Variants in SLIT3 observed in about 807,000 individuals in gnomAD.
The protein encoded by SLIT3 is slit guidance ligand 3.
Under a neutral mutation model 184.0 loss-of-function variants are expected in SLIT3, and 68 were observed. That is an observed-to-expected ratio of 0.37 (90% CI 0.30 to 0.45). The LOEUF (loss-of-function observed/expected upper bound fraction) is 0.45, where lower values mean the gene tolerates loss of function less well. Among genes scored for constraint, SLIT3 ranks in the 20% least tolerant of loss-of-function variants. The probability of loss-of-function intolerance (pLI) is 1.00; values close to 1 mark genes in which losing one functional copy is unlikely to be tolerated. For missense variants in SLIT3, 1,707 were observed against 2,026.0 expected (o/e 0.84, Z 3.02); for synonymous variants, 831 against 828.6 (o/e 1.00, Z -0.05).
intron 9 of SLIT3, among the ~76,000 whole-genome samples, chr5:168,798,008 A>G (rs1183469347): frequency 6.6e-6 from 1 of 152,088 alleles, no homozygotes; most frequent in Non-Finnish European, 1.5e-5. Flanking sequence ...CTGTGGAAGT[A>G]GGTATTCAGG....
intron 16 of SLIT3, among the ~76,000 whole-genome samples, chr5:168,757,970 G>A (rs1330218462): frequency 2.6e-5 from 4 of 152,232 alleles, no homozygotes; most frequent in Admixed American, 6.5e-5. Context: ...TAACTGGGAA[G>A]GGCAGAGCTG....
At chr5:168,681,852 G>C (rs774777841) in intron 32 of SLIT3, among the ~76,000 whole-genome samples, 2 of 152,166 alleles carry the variant, frequency 1.3e-5, no homozygotes, top group Non-Finnish European at 2.9e-5. Context: ...ACATGTCTGC[G>C]TAAAGGCTTA....
At chr5:168,717,863 T>C (rs1239448903) in intron 23 of SLIT3, among the ~76,000 whole-genome samples, 2 of 152,074 alleles carry the variant, frequency 1.3e-5, no homozygotes, top group African/African-American at 4.8e-5. Context: ...GGTTTCACCA[T>C]ATTAGCCAGG....
intron 1 of SLIT3, among the ~76,000 whole-genome samples, chr5:169,277,429 G>GC (rs1462791007): frequency 1.3e-5 from 2 of 152,010 alleles, no homozygotes; most frequent in African/African-American, 2.4e-5. Context: ...GGGGTTTCAG[G>GC]CAGGTCCCAT....
intron 4 of SLIT3, among the ~76,000 whole-genome samples, chr5:169,124,421 G>A (rs1047903056): frequency 2.0e-5 from 3 of 152,146 alleles, no homozygotes; most frequent in Admixed American, 6.5e-5. Flanking sequence ...GGGGAAAATT[G>A]GAAAAGAGCT....
At chr5:168,746,684 T>TGG in intron 20 of SLIT3, among the ~76,000 whole-genome samples, 1 of 71,786 alleles carries the variant, frequency 1.4e-5, no homozygotes, top group Non-Finnish European at 2.6e-5. Flanking sequence ...TATGGTGGTG[T>TGG]GTGGTGGTGT....
chr5:169,040,472 A>G (rs772341132), intron 4 of SLIT3, among the ~76,000 whole-genome samples: 9 of 152,218 alleles, frequency 5.9e-5, no homozygotes, highest in Non-Finnish European at 8.8e-5. Flanking sequence ...ATATTTAGAG[A>G]TTAAGGATAT....
At chr5:168,796,045 T>C (rs573579078) in intron 9 of SLIT3, among the ~76,000 whole-genome samples, 11 of 152,160 alleles carry the variant, frequency 7.2e-5, no homozygotes, top group Non-Finnish European at 1.6e-4. Flanking sequence ...GAAATGTCAA[T>C]GGTTGACTTC....
intron 11 of SLIT3, among the ~76,000 whole-genome samples, chr5:168,786,255 C>T (rs781399440): frequency 1.5e-4 from 23 of 152,152 alleles, no homozygotes; most frequent in Non-Finnish European, 2.9e-4. Flanking sequence ...CAGGAAGAAG[C>T]GGTCTCTTTG....
chr5:168,694,619 CTCTT>C (rs1380303273), intron 28 of SLIT3, among the ~76,000 whole-genome samples: 6 of 152,056 alleles, frequency 3.9e-5, no homozygotes, highest in South Asian at 4.2e-4. Flanking sequence ...TTATCTCTCT[CTCTT>C]TCTTTCTTTT....
At chr5:168,700,784 A>G in intron 26 of SLIT3, 105 bp from the exon 27 acceptor site, 1 of 811,406 alleles carries the variant, frequency 1.2e-6, no homozygotes, top group Non-Finnish European at 2.1e-6. Context: ...GAGGCTGGGG[A>G]GATGACAACA....
chr5:168,827,238 T>G (rs546784946), intron 6 of SLIT3, among the ~76,000 whole-genome samples: 5 of 152,180 alleles, frequency 3.3e-5, no homozygotes, highest in African/African-American at 1.2e-4. Flanking sequence ...TACCATGGAT[T>G]TGGTGGCTCA....
intron 1 of SLIT3, among the ~76,000 whole-genome samples, chr5:169,282,116 A>C (rs1767017861): frequency 6.6e-6 from 1 of 152,184 alleles, no homozygotes; most frequent in East Asian, 1.9e-4. Context: ...GAAGATAGAG[A>C]CTTGGATAGG....
At chr5:169,165,785 T>C (rs906076687) in intron 4 of SLIT3, among the ~76,000 whole-genome samples, 1 of 152,230 alleles carries the variant, frequency 6.6e-6, no homozygotes, top group African/African-American at 2.4e-5. Flanking sequence ...AACATACCAG[T>C]TGCTTTATGT....
chr5:168,748,411 G>T lies in SLIT3; in HGVS notation c.2161C>A (p.Leu721Met). 2 of 1,523,958 alleles carry T rather than the reference G, an allele frequency of 1.3e-6. No individual in the cohort carries two copies. The highest frequency in any genetic ancestry group is 1.3e-5 in the South Asian group (1 of 76,838). 94.4% of individuals were successfully genotyped at this position (1,523,958 alleles called of 1,614,324 possible). The change falls in exon 20 of 36, where the codon CTG (leucine) becomes ATG (methionine). Residue 721 changes from leucine (L) to methionine (M), a missense_variant. Coordinates refer to ENST00000519560, the MANE Select transcript of SLIT3 (RefSeq NM_003062.4). ...CDGNEESSCQ[L>M]SPRCPEQCTC... ...CACTGCTCCGGGCAGCGCGGGCTCA[G>T]CTGGCAGCTACTCTCCTCGTTGCCT...
intron 3 of SLIT3, among the ~76,000 whole-genome samples, chr5:169,229,079 T>TGAGAGAGA (rs150397537): frequency 6.6e-6 from 1 of 151,922 alleles, no homozygotes; most frequent in Admixed American, 6.6e-5. Flanking sequence ...ACACACAGAT[T>TGAGAGAGA]GAGAGAGAGA....
At chr5:168,833,074 C>G in intron 6 of SLIT3, among the ~76,000 whole-genome samples, 1 of 152,196 alleles carries the variant, frequency 6.6e-6, no homozygotes, top group African/African-American at 2.4e-5. Flanking sequence ...TTTCTCCCCC[C>G]ACAACCATCA....
At chr5:168,684,855 G>A (rs1400958653) in intron 31 of SLIT3, among the ~76,000 whole-genome samples, 1 of 151,780 alleles carries the variant, frequency 6.6e-6, no homozygotes, top group East Asian at 1.9e-4. Flanking sequence ...GTCATCTGGG[G>A]AATTAAAAAA....
intron 12 of SLIT3, among the ~76,000 whole-genome samples, chr5:168,777,443 A>G (rs1755802722): frequency 1.3e-5 from 2 of 152,310 alleles, no homozygotes; most frequent in South Asian, 4.1e-4. Flanking sequence ...TGCCTTCATA[A>G]AAACTAAATG....
Sources: gnomAD v4.1 joint callset for allele counts (sites outside exome capture counted in the v4.1 genomes callset) on GRCh38, gnomAD v4.1.1 for gene constraint, MANE v1.5 for transcripts, NCBI Gene and HGNC (gene_info 2026-07-23, HGNC 2026-07-21) for gene names.